BAZ2B: variants seen among roughly 807,000 people sequenced by gnomAD.
BAZ2B encodes bromodomain adjacent to zinc finger domain 2B.
In BAZ2B, 91 loss-of-function variants were observed where a neutral mutation model predicts 246.0. That is an observed-to-expected ratio of 0.37 (90% CI 0.31 to 0.44). The LOEUF is 0.44. Ranked by LOEUF, BAZ2B falls within the 20% of genes least tolerant of loss-of-function variation. The pLI is 1.00. For missense variants in BAZ2B, 2,332 were observed against 2,533.7 expected (o/e 0.92, Z 1.71); for synonymous variants, 855 against 860.0 (o/e 0.99, Z 0.10).
intron 2 of BAZ2B, among the ~76,000 whole-genome samples, chr2:159,494,773 AT>A: frequency 6.6e-6 from 1 of 152,370 alleles, no homozygotes; most frequent in South Asian, 2.1e-4. Context: ...TTAACCATTT[AT>A]GAAAACATCT....
intron 3 of BAZ2B, chr2:159,458,687 C>T (rs1368646690): frequency 6.6e-6 from 1 of 152,174 alleles, no homozygotes; most frequent in Non-Finnish European, 1.5e-5. Context: ...CCCTCTTGAT[C>T]CTCTTCTTAA....
At chr2:159,697,634 T>A in the BAZ2B span, among the ~76,000 whole-genome samples, 2 of 152,140 alleles carry the variant, frequency 1.3e-5, no homozygotes, top group African/African-American at 4.8e-5. Context: ...TTGGCTTTTT[T>A]TGCACTTTGC....
chr2:159,382,265 T>C (rs1410721138), intron 25 of BAZ2B, among the ~76,000 whole-genome samples: 1 of 152,204 alleles, frequency 6.6e-6, no homozygotes, highest in Non-Finnish European at 1.5e-5. Context: ...ACAAAATACC[T>C]GAAATTAAAA....
intron 2 of BAZ2B, among the ~76,000 whole-genome samples, chr2:159,504,539 T>C (rs137910733): frequency 2.0e-5 from 3 of 152,200 alleles, no homozygotes; most frequent in Non-Finnish European, 2.9e-5. Context: ...CCAAGAAATC[T>C]ATTTGTGCCA....
chr2:159,320,771 G>A (rs1191352436), intron 36 of BAZ2B, among the ~76,000 whole-genome samples: 2 of 152,172 alleles, frequency 1.3e-5, no homozygotes, highest in Non-Finnish European at 2.9e-5. Context: ...CTGACCAAAT[G>A]TATCACTTGC....
At chr2:159,340,099 T>A (rs999223669) in intron 31 of BAZ2B, among the ~76,000 whole-genome samples, 1 of 151,766 alleles carries the variant, frequency 6.6e-6, no homozygotes, top group Non-Finnish European at 1.5e-5. Context: ...GTTCTAGAGC[T>A]AAATAATTCA....
chr2:159,417,450 C>T (rs923953616), intron 13 of BAZ2B, among the ~76,000 whole-genome samples: 5 of 152,078 alleles, frequency 3.3e-5, no homozygotes, highest in African/African-American at 9.7e-5. Flanking sequence ...GGATTACATG[C>T]GTGCGCCACC....
At position 159,348,708 on chromosome 2, in the gene BAZ2B, T is replaced by C. The variant is rs749355815; in HGVS notation, c.5263A>G (p.Ile1755Val). 1.2e-6 allele frequency: 2 copies of C among 1,610,290 alleles called. No individual in the cohort carries two copies. Among genetic ancestry groups the C allele is most frequent in the Non-Finnish European group, 1.7e-6 (2 of 1,179,166 alleles). Residue 1755 changes from isoleucine (I) to valine (V), a missense_variant, in exon 30 of 37, where the codon ATT becomes GTT. Transcript: ENST00000392783. ...TTATTCTTGAGGCAGGCTTGAGTAA[T>C]ATAATCCAAATGTTTCTGAATTTGT... ...QKQIQKHLDY[I>V]TQACLKNKDV... is the part of the protein sequence containing the mutation.
At chr2:159,427,838 T>A in intron 13 of BAZ2B, 103 bp downstream of exon 13, 2 of 866,182 alleles carry the variant, frequency 2.3e-6, no homozygotes, top group Non-Finnish European at 3.7e-6. Context: ...CCATATGAAC[T>A]AATTAAAGAA....
chr2:159,625,816 C>T, the BAZ2B span, among the ~76,000 whole-genome samples: 1 of 152,102 alleles, frequency 6.6e-6, no homozygotes, highest in Non-Finnish European at 1.5e-5. Context: ...GGATCAAATT[C>T]ACACATAATA....
intron 8 of BAZ2B, chr2:159,434,612 T>C (rs1248666329): frequency 6.6e-6 from 1 of 152,104 alleles, no homozygotes; most frequent in African/African-American, 2.4e-5. Context: ...TTATTCACCT[T>C]TATGGTCTTC....
At chr2:159,435,207 TA>T (rs2071984700) in intron 8 of BAZ2B, 1 of 151,716 alleles carries the variant, frequency 6.6e-6, no homozygotes, top group South Asian at 2.1e-4. Flanking sequence ...TTATTATTAT[TA>T]TTTTTTTGGA....
At chr2:159,631,867 A>G in the BAZ2B span, among the ~76,000 whole-genome samples, 5 of 152,200 alleles carry the variant, frequency 3.3e-5, no homozygotes, top group Admixed American at 6.5e-5. Flanking sequence ...ATGCAAATAT[A>G]TGTGTCCAAT....
At chr2:159,362,250 G>A (rs2059792070) in intron 27 of BAZ2B, among the ~76,000 whole-genome samples, 1 of 152,240 alleles carries the variant, frequency 6.6e-6, no homozygotes, top group South Asian at 2.1e-4. Flanking sequence ...CAGGTCAGAA[G>A]GCCTTCAGCT....
intron 13 of BAZ2B, among the ~76,000 whole-genome samples, chr2:159,415,325 G>A (rs1175060268): frequency 1.3e-5 from 2 of 151,514 alleles, no homozygotes; most frequent in Non-Finnish European, 2.9e-5. Context: ...TGCACCTGTA[G>A]TCCCAGCTAC....
intron 30 of BAZ2B, among the ~76,000 whole-genome samples, chr2:159,348,001 C>G (rs1434744332): frequency 1.3e-5 from 2 of 152,032 alleles, no homozygotes; most frequent in African/African-American, 4.8e-5. Flanking sequence ...ATACCAAAAC[C>G]TAGAGATGTT....
chr2:159,635,893 T>TA, the BAZ2B span, among the ~76,000 whole-genome samples: 9,133 of 152,100 alleles, frequency 0.06, 399 homozygotes, highest in Non-Finnish European at 0.097. Context: ...CCTGTCTCTA[T>TA]AAAAAATTAA....
rs746075826 is a variant in BAZ2B at position 159,438,389 on chromosome 2, C to T, written c.1207G>A (p.Val403Ile). The stretch of plus-strand genomic sequence containing the variant: ...GCTTTAAGAACATCAGGAGAAGGAA[C>T]TATGAGTTTCATGTAAGTTTCCTTT... ...AKKETYMKLIVPSPDVLKAGN... is the reference protein window; with the variant it reads ...AKKETYMKLIIPSPDVLKAGN... The change falls in exon 8 of 37, where the codon GTT becomes ATT. Residue 403 changes from valine (V) to isoleucine (I), a missense_variant. Physicochemically the swap from Val to Ile is conservative, Grantham distance 29. Around this residue, in one of 9 missense-constraint regions of BAZ2B, gnomAD observed 651 missense variants for 650.9 expected, o/e 1.00. Transcript: ENST00000392783. 3.1e-6 allele frequency: 5 copies of T among 1,614,134 alleles called. No homozygotes were observed. The South Asian group carries it at 3.3e-5, about 11-fold the overall frequency.
intron 3 of BAZ2B, chr2:159,458,420 G>C (rs1457373702): frequency 6.6e-6 from 1 of 152,320 alleles, no homozygotes; most frequent in African/African-American, 2.4e-5. Context: ...CCGCCTCCCG[G>C]GTTCACGCCA....
Sources: gnomAD v4.1 joint callset for allele counts (sites outside exome capture counted in the v4.1 genomes callset) on GRCh38, gnomAD v4.1.1 for gene constraint, gnomAD v4.1.1 regional missense constraint, MANE v1.5 for transcripts, NCBI Gene and HGNC (gene_info 2026-07-23, HGNC 2026-07-21) for gene names.